The following METTL14 variants were observed in gnomAD, a reference collection of about 807,000 sequenced individuals.
The protein encoded by METTL14 is N(6)-adenosine-methyltransferase non-catalytic subunit METTL14.
In METTL14, 32 loss-of-function variants were observed where a neutral mutation model predicts 62.4. The observed-to-expected ratio is 0.51, with a 90% CI of 0.39 to 0.69. METTL14 has a LOEUF of 0.69. Among genes scored for constraint, METTL14 ranks in the 30% least tolerant of loss-of-function variants. The probability of loss-of-function intolerance (pLI) is 0.00; values close to 1 mark genes in which losing one functional copy is unlikely to be tolerated. For synonymous variants in METTL14, 150 were observed against 180.0 expected, an observed-to-expected ratio of 0.83 and a Z score of 1.34; for missense variants, 340 against 551.9, an observed-to-expected ratio of 0.62 and a Z score of 3.85.
In METTL14 at chr4:118,710,018, A is replaced by G. The variant is rs753459004; in HGVS notation, c.1087A>G (p.Thr363Ala). 3 of 1,611,150 alleles carry G rather than the reference A, an allele frequency of 1.9e-6. No homozygotes were observed. The highest frequency in any genetic ancestry group is 1.7e-5 in the Admixed American group (1 of 59,710). Residue 363 changes from threonine to alanine, a missense_variant, in exon 11 of 11, where the codon ACG becomes GCG. Physicochemically the swap from Thr to Ala is moderately conservative, Grantham distance 58 (BLOSUM62 0). Around this residue, in one of 7 missense-constraint regions of METTL14, gnomAD observed 62 missense variants for 82.3 expected, o/e 0.75. Transcript: ENST00000388822. ...IRPGWLTVGP[T>A]LTNSNYNAET... Reference sequence around the variant, plus strand: ...TTCAGGCTGGCTCACAGTTGGACCAACGCTTACAAATAGCAACTACAATGC... The same window carrying G: ...TTCAGGCTGGCTCACAGTTGGACCAGCGCTTACAAATAGCAACTACAATGC...
At chr4:118,694,397 G>A (rs761094398) in intron 5 of METTL14, 39 bp from the exon 6 acceptor site, 25 of 1,539,258 alleles carry the variant, frequency 1.6e-5, no homozygotes, top group Non-Finnish European at 2.2e-5. Flanking sequence ...ATTAACTTCA[G>A]TTGAGATGAA....
intron 10 of METTL14, among the ~76,000 whole-genome samples, 184 bp downstream of exon 10, chr4:118,706,005 C>T (rs1267400712): frequency 6.6e-6 from 1 of 152,174 alleles, no homozygotes; most frequent in Non-Finnish European, 1.5e-5. Flanking sequence ...TTTCCATATA[C>T]CTGCTGCCCC....
Position 118,710,008 on chromosome 4 carries a change from A to T in METTL14, c.1077A>T (p.Thr359=), listed in dbSNP as rs754673232. The T allele has an allele frequency of 3.8e-5, 61 of 1,605,796 alleles. No individual in the cohort carries two copies. The highest frequency in any genetic ancestry group is 5.0e-5 in the Non-Finnish European group (59 of 1,175,722). Reference sequence around the variant, plus strand: ...TTTCCTCCATTTCAGGCTGGCTCACAGTTGGACCAACGCTTACAAATAGCA... The same window carrying T: ...TTTCCTCCATTTCAGGCTGGCTCACTGTTGGACCAACGCTTACAAATAGCA... ...RDSTIRPGWL[T]VGPTLTNSNY... The change falls in exon 11 of 11, where the codon ACA becomes ACT. Residue 359 remains threonine, a synonymous_variant. Transcript: ENST00000388822.
chr4:118,701,788 G>A (rs1724597908), intron 8 of METTL14, among the ~76,000 whole-genome samples: 1 of 152,108 alleles, frequency 6.6e-6, no homozygotes, highest in African/African-American at 2.4e-5. Context: ...AGGATTATAT[G>A]AGATAATAAG....
At chr4:118,686,472 C>T (rs1724064336) in intron 1 of METTL14, 1 of 409,100 alleles carries the variant, frequency 2.4e-6, no homozygotes, top group Non-Finnish European at 4.9e-6. Flanking sequence ...AGTCATCTTG[C>T]AGTTATTTTT....
Position 118,714,124 on chromosome 4 carries a change from CTATATT to C in METTL14, c.*3823_*3828del, listed in dbSNP as rs368458317. The C allele has an allele frequency of 2.0e-3, 305 of 152,262 alleles. No individual in the cohort carries two copies. The highest frequency in any genetic ancestry group is 6.9e-3 in the African/African-American group (285 of 41,558). The allele number at this position is 152,262 out of a possible 1,614,324, so 9.4% of individuals were successfully genotyped here. A position where few individuals can be genotyped will look rare whatever the true frequency, so the allele number is the denominator to read the frequency against. ...AACAATGTAAAATGCATATGGGACT[CTATATT>C]AATAGAGAAGCAGGCCAAGAACTTT... is the stretch of plus-strand genomic sequence containing the variant. On this transcript the variant is annotated 3_prime_UTR_variant, in exon 11 of 11. Transcript: ENST00000388822.
At chr4:118,699,220 A>G (rs569219778) in intron 7 of METTL14, among the ~76,000 whole-genome samples, 7 of 152,158 alleles carry the variant, frequency 4.6e-5, no homozygotes, top group African/African-American at 9.6e-5. Flanking sequence ...AATAATATCT[A>G]TTTTTCCAAG....
At position 118,715,381 on chromosome 4, in the gene METTL14, G is replaced by A. The variant is rs1323864256; in HGVS notation, c.*5079G>A. 8 of 152,158 alleles carry A rather than the reference G, an allele frequency of 5.3e-5. No individual in the cohort carries two copies. Among genetic ancestry groups the A allele is most frequent in the Non-Finnish European group, 1.2e-4 (8 of 68,028 alleles). 9.4% of individuals were successfully genotyped at this position (152,158 alleles called of 1,614,324 possible). On this transcript the variant is annotated 3_prime_UTR_variant, in exon 11 of 11. Transcript: ENST00000388822. ...TTGTGGAATTAGCTGTCACTTTATAGTTTATGTATTGTGGTGGGTACCTTA... is the reference window on the plus strand; with the variant it reads ...TTGTGGAATTAGCTGTCACTTTATAATTTATGTATTGTGGTGGGTACCTTA...
Position 118,685,617 on chromosome 4 carries a change from T to A in METTL14, c.66+17T>A. On this transcript the variant is annotated intron_variant, in intron 1 of 10. Transcript: ENST00000388822. ...GCGCAGCAGGTCCGCGGCCCTGGTG[T>A]CCCCTGTGGGAGGGATCGAGAATGC... 6.2e-7 allele frequency: 1 copy of A among 1,612,628 alleles called. No homozygotes were observed. The highest frequency in any genetic ancestry group is 1.1e-5 in the South Asian group (1 of 90,992).
At chr4:118,700,423 T>C in intron 7 of METTL14, 127 bp from the exon 8 acceptor site, 1 of 668,310 alleles carries the variant, frequency 1.5e-6, no homozygotes, top group East Asian at 2.9e-5. Flanking sequence ...TTTCTGTTAG[T>C]TCCTAATGGA....
Position 118,685,398 on chromosome 4 carries a change from CTACTGAGGAAAGCTATGAGGA to C in METTL14, c.-132_-112del. ...CCAATTCCGGCCGCGCCGGAAGTCTCTACTGAGGAAAGCTATGAGGATACTCTGTTCGTAAGCTCCCGGTGA... is the reference window on the plus strand; with the variant it reads ...CCAATTCCGGCCGCGCCGGAAGTCTCTACTCTGTTCGTAAGCTCCCGGTGA... On this transcript the variant is annotated 5_prime_UTR_variant, in exon 1 of 11. The change abolishes an upstream ATG in the 5' untranslated region. Coordinates refer to ENST00000388822, the MANE Select transcript of METTL14 (RefSeq NM_020961.4). 1.2e-6 allele frequency: 1 copy of C among 868,070 alleles called. No homozygotes were observed. The allele number at this position is 868,070 out of a possible 1,614,324, so 53.8% of individuals were successfully genotyped here.
chr4:118,697,814 G>A lies in METTL14; in HGVS notation c.645+491G>A, dbSNP rs138809826. Among the ~76,000 whole-genome samples the A allele has an allele frequency of 4.0e-3, 608 of 152,146 alleles. 2 individuals are homozygous for A. Among genetic ancestry groups the A allele is most frequent in the African/African-American group, 0.014 (580 of 41,476 alleles). ...GAGTCCTGCATAAGATGACATGAGA[G>A]CAACTGACCAGTCCTGGGTAGATGG... On this transcript the variant is annotated intron_variant, in intron 7 of 10. Transcript: ENST00000388822.
At chr4:118,689,189 AAC>A (rs1322971676) in intron 2 of METTL14, among the ~76,000 whole-genome samples, 179 bp from the exon 3 acceptor site, 3 of 152,220 alleles carry the variant, frequency 2.0e-5, no homozygotes, top group Non-Finnish European at 2.9e-5. Context: ...ATAAAAATGA[AAC>A]ACAGAATTAT....
intron 10 of METTL14, among the ~76,000 whole-genome samples, chr4:118,706,719 C>G (rs1440569291): frequency 6.6e-6 from 1 of 152,200 alleles, no homozygotes; most frequent in Non-Finnish European, 1.5e-5. Flanking sequence ...GTTCCTGTTG[C>G]TCTGCATCCT....
At chr4:118,705,896 T>C (rs1416108011) in intron 10 of METTL14, 75 bp downstream of exon 10, 1 of 1,147,460 alleles carries the variant, frequency 8.7e-7, no homozygotes. Context: ...TGGTGCTGTG[T>C]AAAATAAAGT....
At chr4:118,696,576 T>G (rs1724420798) in intron 6 of METTL14, among the ~76,000 whole-genome samples, 1 of 152,146 alleles carries the variant, frequency 6.6e-6, no homozygotes, top group Non-Finnish European at 1.5e-5. Context: ...GAAAACCCAT[T>G]TACATTTAAA....
chr4:118,705,816 G>A lies in METTL14; in HGVS notation c.1061G>A (p.Arg354Gln). The A allele has an allele frequency of 1.2e-6, 2 of 1,609,362 alleles. No homozygotes were observed. The highest frequency in any genetic ancestry group is 2.2e-5 in the East Asian group (1 of 44,842). ...LHLFGRDSTIRPGWLTVGPTL... is the reference protein window; with the variant it reads ...LHLFGRDSTIQPGWLTVGPTL... ...CTATTTGGAAGAGATAGTACAATTCGACCAGGTAGGACCTCAGTTAACAAC... is the reference window on the plus strand; with the variant it reads ...CTATTTGGAAGAGATAGTACAATTCAACCAGGTAGGACCTCAGTTAACAAC... Residue 354 changes from arginine to glutamine, a missense_variant, in exon 10 of 11, where the codon CGA becomes CAA. By Grantham distance (43) the Arg-to-Gln change is conservative (BLOSUM62 1). Around this residue, in one of 7 missense-constraint regions of METTL14, gnomAD observed 62 missense variants for 82.3 expected, o/e 0.75. Coordinates refer to ENST00000388822, the MANE Select transcript of METTL14 (RefSeq NM_020961.4).
At position 118,705,932 on chromosome 4, in the gene METTL14, G is replaced by C. The variant is rs149765653; in HGVS notation, c.1066+111G>C. On this transcript the variant is annotated intron_variant, in intron 10 of 10. Coordinates refer to ENST00000388822, the MANE Select transcript of METTL14 (RefSeq NM_020961.4). ...TCTTATGCATTTGATTCCTTTTCTTGCTGTACTTCAAATATGAACAGTTTC... is the reference window on the plus strand; with the variant it reads ...TCTTATGCATTTGATTCCTTTTCTTCCTGTACTTCAAATATGAACAGTTTC... 354 of 870,036 alleles carry C rather than the reference G, an allele frequency of 4.1e-4. 1 individual carries two copies. The African/African-American group carries it at 5.5e-3, about 14-fold the overall frequency. The allele number at this position is 870,036 out of a possible 1,614,324, so 53.9% of individuals were successfully genotyped here.
At chr4:118,696,971 G>A (rs1013367835) in intron 6 of METTL14, among the ~76,000 whole-genome samples, 1 of 152,014 alleles carries the variant, frequency 6.6e-6, no homozygotes, top group Non-Finnish European at 1.5e-5. Flanking sequence ...AAAGATCACT[G>A]GTAGATCGTT....
Sources: allele counts gnomAD v4.1 joint callset (sites outside exome capture counted in the v4.1 genomes callset), GRCh38; gene constraint gnomAD v4.1.1; regional missense constraint gnomAD v4.1.1; transcripts MANE v1.5; gene names NCBI Gene and HGNC (gene_info 2026-07-23, HGNC 2026-07-21).